Variants in SIAH3 observed in about 807,000 individuals in gnomAD.
SIAH3 encodes seven in absentia homolog 3.
A neutral mutation model predicts 12.6 loss-of-function variants in SIAH3; 9 were observed. The observed-to-expected ratio is 0.72, with a 90% CI of 0.43 to 1.25. The LOEUF is 1.25. Ranked by LOEUF, SIAH3 falls within the 50% of genes most tolerant of loss-of-function variation. SIAH3 has a pLI of 0.00. For synonymous variants in SIAH3, 154 were observed against 151.1 expected (o/e 1.02, Z -0.14); for missense variants, 390 against 365.4 (o/e 1.07, Z -0.55).
chr13:45,814,418 A>G (rs1345918507), intron 1 of SIAH3, among the ~76,000 whole-genome samples: 4 of 151,918 alleles, frequency 2.6e-5, no homozygotes, highest in Non-Finnish European at 5.9e-5. Context: ...GTATCAGGAG[A>G]TATTTAGCAG....
chr13:45,799,130 A>G (rs977475737), intron 1 of SIAH3, among the ~76,000 whole-genome samples: 2 of 152,202 alleles, frequency 1.3e-5, no homozygotes, highest in Non-Finnish European at 1.5e-5. Flanking sequence ...AGACAGGCCT[A>G]CAGGATGAAA....
At chr13:45,794,019 C>T (rs866878344) in intron 1 of SIAH3, among the ~76,000 whole-genome samples, 1 of 152,078 alleles carries the variant, frequency 6.6e-6, no homozygotes, top group African/African-American at 2.4e-5. Flanking sequence ...CAAGGAACAC[C>T]TGGACCCACT....
In SIAH3 at chr13:45,846,084, CTTTTTTTT is replaced by C. The variant is rs386379026; in HGVS notation, c.135+5403_135+5410del. Among the ~76,000 whole-genome samples the C allele has an allele frequency of 1.2e-4, 10 of 85,690 alleles. No homozygotes were observed. The South Asian group carries it at 3.5e-3, about 30-fold the overall frequency. The allele number at this position is 85,690 out of a possible 152,430, so 56.2% of individuals were successfully genotyped here. On this transcript the variant is annotated intron_variant, in intron 1 of 1. Transcript: ENST00000400405. ...GATCTGATGTTAGAAGACCTAACTT[CTTTTTTTT>C]TTTTTTTTTTTTTTGAGACGGAGTT...
At chr13:45,789,396 CTATCTATCT>C (rs1950538704) in intron 1 of SIAH3, among the ~76,000 whole-genome samples, 1 of 40,552 alleles carries the variant, frequency 2.5e-5, no homozygotes, top group Non-Finnish European at 4.9e-5. Flanking sequence ...ATCTATCTAT[CTATCTATCT>C]ATCTATCTAT....
In SIAH3 at chr13:45,779,192, T is replaced by C. The variant is rs1950495027; in HGVS notation, c.*4191A>G. The C allele has an allele frequency of 1.3e-5, 2 of 152,116 alleles. No homozygotes were observed. Among genetic ancestry groups the C allele is most frequent in the African/African-American group, 2.4e-5 (1 of 41,374 alleles). The allele number at this position is 152,116 out of a possible 1,614,324, so 9.4% of individuals were successfully genotyped here. A position where few individuals can be genotyped will look rare whatever the true frequency, so the allele number is the denominator to read the frequency against. On this transcript the variant is annotated 3_prime_UTR_variant, in exon 2 of 2. Transcript: ENST00000400405. The stretch of plus-strand genomic sequence containing the variant: ...ATAGATGTAAATAACCCCAGGAGCA[T>C]AGAGAATAAAAAGAGTAGTGAAATA...
intron 1 of SIAH3, among the ~76,000 whole-genome samples, chr13:45,798,454 G>C (rs1331095543): frequency 6.6e-6 from 1 of 152,238 alleles, no homozygotes; most frequent in South Asian, 2.1e-4. Context: ...TTTCTAGTAG[G>C]GGGAGGAATT....
In SIAH3 at chr13:45,777,525, A is replaced by G. The variant is rs899025601; in HGVS notation, c.*5858T>C. 2.2e-4 allele frequency: 34 copies of G among 152,214 alleles called. No homozygotes were observed. Among genetic ancestry groups the G allele is most frequent in the African/African-American group, 7.7e-4 (32 of 41,448 alleles). 9.4% of individuals were successfully genotyped at this position (152,214 alleles called of 1,614,324 possible). A position where few individuals can be genotyped will look rare whatever the true frequency, so the allele number is the denominator to read the frequency against. On this transcript the variant is annotated 3_prime_UTR_variant, in exon 2 of 2. Coordinates refer to ENST00000400405, the MANE Select transcript of SIAH3 (RefSeq NM_198849.3). ...TATTGGAAAAGACAAATTCTAACCC[A>G]GGTAGTTCATGTGATGACCTGATTT...
intron 1 of SIAH3, among the ~76,000 whole-genome samples, chr13:45,851,219 C>G (rs537022535): frequency 8.5e-5 from 13 of 152,308 alleles, no homozygotes; most frequent in African/African-American, 2.9e-4. Context: ...TTCTGCCCCC[C>G]ACGCCACTCT....
At chr13:45,840,612 G>T (rs1425904890) in intron 1 of SIAH3, among the ~76,000 whole-genome samples, 1 of 152,202 alleles carries the variant, frequency 6.6e-6, no homozygotes, top group Non-Finnish European at 1.5e-5. Context: ...ACAGGAACTC[G>T]ATCCCACCAG....
intron 1 of SIAH3, among the ~76,000 whole-genome samples, chr13:45,843,600 C>T (rs1950748353): frequency 6.6e-6 from 1 of 152,182 alleles, no homozygotes; most frequent in Non-Finnish European, 1.5e-5. Flanking sequence ...GTCTTCCAGG[C>T]TCAGAGCCCA....
Position 45,851,540 on chromosome 13 carries a change from A to G in SIAH3, c.90T>C (p.Ala30=), listed in dbSNP as rs1159594431. 6.2e-7 allele frequency: 1 copy of G among 1,614,206 alleles called. No individual in the cohort carries two copies. Residue 30 remains alanine (A), a synonymous_variant, in exon 1 of 2, where the codon GCT becomes GCC. Transcript: ENST00000400405. The stretch of plus-strand genomic sequence containing the variant: ...TGACGACACAGACAAGTTGCCCGGC[A>G]GCGGAGAAAACCCGTTTAGCCTTGT... ...QHYKAKRVFS[A]AGQLVCVVNP...
Position 45,781,089 on chromosome 13 carries a change from C to G in SIAH3, c.*2294G>C, listed in dbSNP as rs904703661. Reference sequence around the variant, plus strand: ...TAGGAACAAAAATATAAGCTCCCATCTGGGATCACTTATTCATAATACAGT... The same window carrying G: ...TAGGAACAAAAATATAAGCTCCCATGTGGGATCACTTATTCATAATACAGT... On this transcript the variant is annotated 3_prime_UTR_variant, in exon 2 of 2. Transcript: ENST00000400405. 3 of 152,618 alleles carry G rather than the reference C, an allele frequency of 2.0e-5. No individual in the cohort carries two copies. The East Asian group carries it at 5.8e-4, about 29-fold the overall frequency. The allele number at this position is 152,618 out of a possible 1,614,324, so 9.5% of individuals were successfully genotyped here.
chr13:45,828,466 C>T (rs1950686618), intron 1 of SIAH3, among the ~76,000 whole-genome samples: 1 of 152,222 alleles, frequency 6.6e-6, no homozygotes, highest in South Asian at 2.1e-4. Context: ...TAGCCCACTT[C>T]TCCTTTTGAA....
At chr13:45,784,100 C>T in intron 1 of SIAH3, 43 bp from the exon 2 acceptor site, 1 of 1,511,642 alleles carries the variant, frequency 6.6e-7, no homozygotes, top group Non-Finnish European at 8.9e-7. Context: ...ATGAGGCCCA[C>T]TCTCCCAGGC....
chr13:45,792,931 C>T (rs973421741), intron 1 of SIAH3, among the ~76,000 whole-genome samples: 12 of 152,054 alleles, frequency 7.9e-5, no homozygotes, highest in Admixed American at 3.9e-4. Context: ...TTCTTCAAGG[C>T]GACTTTTTGT....
chr13:45,806,048 T>C (rs1950597321), intron 1 of SIAH3, among the ~76,000 whole-genome samples: 1 of 152,022 alleles, frequency 6.6e-6, no homozygotes, highest in Admixed American at 6.6e-5. Context: ...TCAGAATGGC[T>C]ATTAAAAAGA....
exon 1 of SIAH3, chr13:45,851,751 TTCA>T (rs1950783327): frequency 5.8e-6 from 7 of 1,205,232 alleles, no homozygotes; most frequent in Non-Finnish European, 8.2e-6. Flanking sequence ...CGCCTTCATA[TTCA>T]TCATCAAAAT....
chr13:45,818,742 C>T (rs1269174329), intron 1 of SIAH3, among the ~76,000 whole-genome samples: 2 of 152,230 alleles, frequency 1.3e-5, no homozygotes, highest in African/African-American at 2.4e-5. Context: ...TTAGGGCCCA[C>T]CCAGATAATC....
chr13:45,809,159 G>A (rs1356128248), intron 1 of SIAH3, among the ~76,000 whole-genome samples: 2 of 152,230 alleles, frequency 1.3e-5, no homozygotes, highest in Non-Finnish European at 2.9e-5. Flanking sequence ...TTCAGTGACT[G>A]CTGCCTCAAG....
Sources: gnomAD v4.1 joint callset for allele counts (sites outside exome capture counted in the v4.1 genomes callset) on GRCh38, gnomAD v4.1.1 for gene constraint, MANE v1.5 for transcripts, NCBI Gene and HGNC (gene_info 2026-07-23, HGNC 2026-07-21) for gene names.